Variants in C8orf74 observed in about 807,000 individuals in gnomAD.
The protein encoded by C8orf74 is uncharacterized protein C8orf74.
In C8orf74, 29 loss-of-function variants were observed where a neutral mutation model predicts 22.2. The ratio of observed to expected loss-of-function variants is 1.31; its 90% confidence interval spans 0.97 to 1.78. C8orf74 has a LOEUF of 1.78. C8orf74 is among the 40% of genes most tolerant of loss of function. The pLI is 0.00. For synonymous variants in C8orf74, 255 were observed against 163.1 expected, an observed-to-expected ratio of 1.56 and a Z score of -4.30; for missense variants, 515 against 369.9, an observed-to-expected ratio of 1.39 and a Z score of -3.22.
intron 1 of C8orf74, chr8:10,673,868 C>G (rs1332620412): frequency 6.6e-6 from 1 of 152,160 alleles, no homozygotes; most frequent in Non-Finnish European, 1.5e-5. Context: ...TTATACCCTG[C>G]AACCCCCATA....
intron 2 of C8orf74, among the ~76,000 whole-genome samples, chr8:10,676,031 T>C (rs923025887): frequency 6.6e-6 from 1 of 152,126 alleles, no homozygotes; most frequent in Non-Finnish European, 1.5e-5. Flanking sequence ...ATGATGAATG[T>C]TCTTGCTTTA....
At chr8:10,682,787 G>A (rs1799179085) in intron 2 of C8orf74, among the ~76,000 whole-genome samples, 1 of 152,238 alleles carries the variant, frequency 6.6e-6, no homozygotes, top group South Asian at 2.1e-4. Flanking sequence ...CAGAAATCAA[G>A]ACGGGGCCAT....
At chr8:10,691,765 C>G (rs1799386713) in intron 2 of C8orf74, 1 of 152,334 alleles carries the variant, frequency 6.6e-6, no homozygotes, top group African/African-American at 2.4e-5. Flanking sequence ...TTTGATAATC[C>G]TATGTACGCT....
At chr8:10,689,985 C>G (rs1799339433) in intron 2 of C8orf74, among the ~76,000 whole-genome samples, 1 of 152,158 alleles carries the variant, frequency 6.6e-6, no homozygotes, top group South Asian at 2.1e-4. Context: ...AGCCTAGGGA[C>G]TCCTTCCTCG....
chr8:10,682,038 A>C (rs1284983782), intron 2 of C8orf74, among the ~76,000 whole-genome samples: 1 of 152,194 alleles, frequency 6.6e-6, no homozygotes, highest in East Asian at 1.9e-4. Flanking sequence ...GGCCATGCCC[A>C]CGGTCTGCCC....
At chr8:10,684,001 C>G (rs1000932802) in intron 2 of C8orf74, among the ~76,000 whole-genome samples, 5 of 152,212 alleles carry the variant, frequency 3.3e-5, no homozygotes, top group African/African-American at 1.2e-4. Flanking sequence ...GGAGCCGGCC[C>G]TCCCACGATG....
intron 2 of C8orf74, among the ~76,000 whole-genome samples, chr8:10,678,093 A>C (rs973967458): frequency 1.3e-5 from 2 of 152,180 alleles, no homozygotes; most frequent in African/African-American, 4.8e-5. Flanking sequence ...TGGACTCGAA[A>C]CAAGCTCTTA....
chr8:10,684,134 C>A (rs906653667), intron 2 of C8orf74, among the ~76,000 whole-genome samples: 10 of 152,340 alleles, frequency 6.6e-5, no homozygotes, highest in African/African-American at 9.6e-5. Context: ...CATATCATCT[C>A]ATTTAGTCCC....
intron 3 of C8orf74, among the ~76,000 whole-genome samples, chr8:10,699,117 C>A (rs185163352): frequency 1.3e-5 from 2 of 152,338 alleles, no homozygotes; most frequent in Admixed American, 6.5e-5. Context: ...CCTGCAGGGA[C>A]CTTGCTCTAG....
intron 2 of C8orf74, among the ~76,000 whole-genome samples, chr8:10,678,033 T>A (rs1799068916): frequency 6.6e-6 from 1 of 152,190 alleles, no homozygotes; most frequent in African/African-American, 2.4e-5. Context: ...GAGTTCCTCC[T>A]CTCACTTTCG....
chr8:10,690,977 T>TCCG (rs955569708), intron 2 of C8orf74: 2 of 455,030 alleles, frequency 4.4e-6, no homozygotes, highest in African/African-American at 4.0e-5. Context: ...CACAGATCTG[T>TCCG]CCGCCCGGCA....
intron 2 of C8orf74, among the ~76,000 whole-genome samples, chr8:10,682,915 G>T (rs1022012825): frequency 7.9e-5 from 12 of 152,268 alleles, no homozygotes; most frequent in African/African-American, 2.4e-4. Flanking sequence ...TGGCTTCGCA[G>T]GTGCCATTTG....
At chr8:10,676,177 A>G (rs2129056133) in intron 2 of C8orf74, among the ~76,000 whole-genome samples, 1 of 152,292 alleles carries the variant, frequency 6.6e-6, no homozygotes. Flanking sequence ...TATTTTCCAA[A>G]AAAGTATAAT....
At chr8:10,675,101 CTTTTG>C (rs897500075) in intron 2 of C8orf74, among the ~76,000 whole-genome samples, 11 of 152,190 alleles carry the variant, frequency 7.2e-5, no homozygotes, top group African/African-American at 2.7e-4. Context: ...AGGGTGTTTG[CTTTTG>C]TTTTGTTTTC....
intron 2 of C8orf74, chr8:10,692,759 C>A (rs1799409260): frequency 6.6e-6 from 1 of 152,186 alleles, no homozygotes; most frequent in African/African-American, 2.4e-5. Context: ...CTGCCATGGC[C>A]TCTGAAAGTG....
chr8:10,697,454 A>C, intron 2 of C8orf74, 145 bp from the exon 3 acceptor site: 1 of 664,606 alleles, frequency 1.5e-6, no homozygotes, highest in Non-Finnish European at 2.4e-6. Context: ...GTCTCAAAAA[A>C]AATAAATAGA....
chr8:10,695,748 C>A (rs780019155), intron 2 of C8orf74, among the ~76,000 whole-genome samples: 1 of 152,126 alleles, frequency 6.6e-6, no homozygotes, highest in Non-Finnish European at 1.5e-5. Context: ...GTGGGGAAAC[C>A]GCATAGGGCC....
chr8:10,673,082 G>C (rs1477682436), intron 1 of C8orf74, among the ~76,000 whole-genome samples: 1 of 152,156 alleles, frequency 6.6e-6, no homozygotes, highest in Non-Finnish European at 1.5e-5. Flanking sequence ...AGGCAGAAGA[G>C]TGGTGGCAGT....
intron 2 of C8orf74, among the ~76,000 whole-genome samples, chr8:10,685,032 C>A (rs1002382521): frequency 6.6e-6 from 1 of 152,220 alleles, no homozygotes; most frequent in East Asian, 1.9e-4. Context: ...GCAAGATGAC[C>A]CAGATTCCAT....
Sources: gnomAD v4.1 joint callset for allele counts (sites outside exome capture counted in the v4.1 genomes callset) on GRCh38, gnomAD v4.1.1 for gene constraint, MANE v1.5 for transcripts, NCBI Gene and HGNC (gene_info 2026-07-23, HGNC 2026-07-21) for gene names.